Variants in VOPP1 observed in about 807,000 individuals in gnomAD.
VOPP1 encodes WW domain binding protein VOPP1.
VOPP1 carries 8 observed loss-of-function variants against 23.5 expected under a neutral mutation model. That is an observed-to-expected ratio of 0.34 (90% confidence interval 0.20 to 0.61). The LOEUF is 0.61. Among genes scored for constraint, VOPP1 ranks in the 20% least tolerant of loss-of-function variants. VOPP1 has a pLI of 0.78. For synonymous variants in VOPP1, 83 were observed against 97.3 expected (o/e 0.85, Z 0.86); for missense variants, 174 against 238.1 (o/e 0.73, Z 1.77).
chr7:55,494,705 T>G (rs1793824580), intron 3 of VOPP1, among the ~76,000 whole-genome samples: 2 of 152,226 alleles, frequency 1.3e-5, no homozygotes. Context: ...CTCAAATTCC[T>G]GGCTTCAGTG....
At chr7:55,460,983 G>A (rs1791486048) in intron 4 of VOPP1, among the ~76,000 whole-genome samples, 1 of 151,634 alleles carries the variant, frequency 6.6e-6, no homozygotes, top group Admixed American at 6.6e-5. Flanking sequence ...AAGAAACTGT[G>A]TTTTATATAT....
chr7:55,552,783 T>C (rs1297484902), intron 1 of VOPP1: 1 of 1,518,494 alleles, frequency 6.6e-7, no homozygotes, highest in African/African-American at 1.4e-5. Context: ...TGGAGCCTGT[T>C]CTCCTAGGAA....
chr7:55,436,667 C>T (rs977690194), intron 4 of VOPP1, among the ~76,000 whole-genome samples: 9 of 149,030 alleles, frequency 6.0e-5, no homozygotes, highest in South Asian at 4.3e-4. Flanking sequence ...TGCGTGTGTG[C>T]GTGCGTGTGC....
chr7:55,460,745 G>C (rs113420037), intron 4 of VOPP1, among the ~76,000 whole-genome samples: 1,830 of 152,124 alleles, frequency 0.012, 13 homozygotes, highest in Admixed American at 0.021. Context: ...TCTTTTTATA[G>C]TTTTTGACTT....
At chr7:55,508,812 A>G (rs968684077) in intron 2 of VOPP1, among the ~76,000 whole-genome samples, 1 of 152,226 alleles carries the variant, frequency 6.6e-6, no homozygotes, top group African/African-American at 2.4e-5. Flanking sequence ...TACTAAAGTG[A>G]AAAACAGAAG....
intron 4 of VOPP1, among the ~76,000 whole-genome samples, chr7:55,441,728 C>CA (rs1353467585): frequency 6.6e-6 from 1 of 152,178 alleles, no homozygotes; most frequent in African/African-American, 2.4e-5. Flanking sequence ...CCTCACCCCC[C>CA]AGGTCATTGG....
intron 1 of VOPP1, among the ~76,000 whole-genome samples, chr7:55,528,684 CAA>C (rs1379741601): frequency 4.7e-5 from 6 of 126,576 alleles, no homozygotes; most frequent in Non-Finnish European, 5.1e-5. Flanking sequence ...AGCTCTGTCT[CAA>C]AAAAAAAAAA....
chr7:55,531,302 T>C (rs1005897959), intron 1 of VOPP1, among the ~76,000 whole-genome samples: 1 of 151,786 alleles, frequency 6.6e-6, no homozygotes, highest in Non-Finnish European at 1.5e-5. Context: ...ACAAAAGCAA[T>C]GAACAGGACC....
intron 1 of VOPP1, among the ~76,000 whole-genome samples, chr7:55,552,260 G>A (rs962205894): frequency 6.6e-6 from 1 of 152,146 alleles, no homozygotes; most frequent in Non-Finnish European, 1.5e-5. Context: ...TTTAGAAATA[G>A]CAATGACAGA....
intron 4 of VOPP1, among the ~76,000 whole-genome samples, chr7:55,480,884 T>C (rs114702028): frequency 0.016 from 2,272 of 145,858 alleles, 63 homozygotes; most frequent in African/African-American, 0.053. Flanking sequence ...AAAATCTCAG[T>C]TCTCACGTTA....
intron 1 of VOPP1, among the ~76,000 whole-genome samples, chr7:55,568,081 CTT>C (rs60284804): frequency 2.4e-5 from 3 of 124,008 alleles, no homozygotes; most frequent in Non-Finnish European, 1.6e-5. Context: ...ACAACTATTC[CTT>C]TTTTTTTTTT....
At chr7:55,540,374 G>A (rs1223291720) in intron 1 of VOPP1, among the ~76,000 whole-genome samples, 5 of 151,372 alleles carry the variant, frequency 3.3e-5, no homozygotes, top group African/African-American at 1.2e-4. Context: ...CTCCAGCCTG[G>A]CGACAGAGTG....
intron 1 of VOPP1, among the ~76,000 whole-genome samples, chr7:55,558,828 C>T (rs55907500): frequency 2.6e-5 from 4 of 152,120 alleles, no homozygotes; most frequent in African/African-American, 9.7e-5. Context: ...ATTAGTAAAG[C>T]TGACTGACAA....
chr7:55,523,385 T>C (rs758167616), intron 1 of VOPP1, among the ~76,000 whole-genome samples: 1 of 152,036 alleles, frequency 6.6e-6, no homozygotes, highest in Non-Finnish European at 1.5e-5. Context: ...AATACATTTT[T>C]TTTTCCAAAA....
intron 4 of VOPP1, among the ~76,000 whole-genome samples, chr7:55,485,975 G>A (rs1284028032): frequency 6.6e-6 from 1 of 152,240 alleles, no homozygotes; most frequent in Non-Finnish European, 1.5e-5. Context: ...AGCGAGGCGG[G>A]CGGGGGACCT....
chr7:55,441,234 G>A (rs1344010465), intron 4 of VOPP1, among the ~76,000 whole-genome samples: 1 of 152,176 alleles, frequency 6.6e-6, no homozygotes, highest in African/African-American at 2.4e-5. Flanking sequence ...ACATGGCTGG[G>A]GAGGAGGGAA....
At chr7:55,440,384 T>C (rs1790933751) in intron 4 of VOPP1, among the ~76,000 whole-genome samples, 1 of 152,188 alleles carries the variant, frequency 6.6e-6, no homozygotes, top group African/African-American at 2.4e-5. Context: ...CACTCTGACC[T>C]TCACTCTGGG....
At chr7:55,552,617 C>G (rs1797655454) in intron 1 of VOPP1, 1 of 1,535,768 alleles carries the variant, frequency 6.5e-7, no homozygotes, top group African/African-American at 1.4e-5. Flanking sequence ...GTGCTGGAAC[C>G]AGGTCTGTGT....
chr7:55,521,634 A>G (rs996858716), intron 1 of VOPP1: 29 of 987,204 alleles, frequency 2.9e-5, no homozygotes, highest in Non-Finnish European at 7.2e-6. Flanking sequence ...ACGTGCAGGA[A>G]GAGAAAGAAG....
Sources: gnomAD v4.1 joint callset for allele counts (sites outside exome capture counted in the v4.1 genomes callset) on GRCh38, gnomAD v4.1.1 for gene constraint, MANE v1.5 for transcripts, NCBI Gene and HGNC (gene_info 2026-07-23, HGNC 2026-07-21) for gene names.